The following MARCHF1 variants were observed in gnomAD, a reference collection of about 807,000 sequenced individuals.
MARCHF1 encodes membrane associated ring-CH-type finger 1, also known as E3 ubiquitin-protein ligase MARCHF1.
MARCHF1 carries 40 observed loss-of-function variants against 54.2 expected under a neutral mutation model. The observed-to-expected ratio is 0.74, with a 90% CI of 0.57 to 0.96. MARCHF1 has a LOEUF of 0.96. MARCHF1 is among the 40% of genes least tolerant of loss of function. The probability of loss-of-function intolerance (pLI) is 0.00; values close to 1 mark genes in which losing one functional copy is unlikely to be tolerated. For missense variants in MARCHF1, 586 were observed against 656.5 expected (o/e 0.89, Z 1.17); for synonymous variants, 236 against 236.3 (o/e 1.00, Z 0.01).
At chr4:163,647,682 A>G (rs1191930321) in intron 5 of MARCHF1, among the ~76,000 whole-genome samples, 1 of 151,700 alleles carries the variant, frequency 6.6e-6, no homozygotes. Context: ...GGAAGAAATA[A>G]AAAGAAAAAT....
intron 1 of MARCHF1, among the ~76,000 whole-genome samples, chr4:164,285,028 CA>C (rs897917698): frequency 7.0e-6 from 1 of 142,600 alleles, no homozygotes; most frequent in Non-Finnish European, 1.5e-5. Flanking sequence ...GTTTATTTTA[CA>C]AAAGTAGGTT....
intron 1 of MARCHF1, among the ~76,000 whole-genome samples, chr4:164,199,681 C>CACACAG (rs1462208986): frequency 7.8e-4 from 37 of 47,650 alleles, no homozygotes; most frequent in East Asian, 3.4e-3. Flanking sequence ...CACACACACA[C>CACACAG]AGAGAGAGAG....
chr4:164,042,539 A>C (rs28723400), intron 2 of MARCHF1, among the ~76,000 whole-genome samples: 79,370 of 151,966 alleles, frequency 0.52, 21,786 homozygotes, highest in Middle Eastern at 0.69. Context: ...CCAATCACCT[A>C]CCACTAAGCC....
At chr4:164,259,291 C>T (rs1733382866) in intron 1 of MARCHF1, among the ~76,000 whole-genome samples, 1 of 151,740 alleles carries the variant, frequency 6.6e-6, no homozygotes, top group African/African-American at 2.4e-5. Flanking sequence ...TCCTGTAATC[C>T]CAATACTTTA....
At chr4:164,191,481 T>C (rs1045421485) in intron 1 of MARCHF1, among the ~76,000 whole-genome samples, 3 of 152,362 alleles carry the variant, frequency 2.0e-5, no homozygotes, top group South Asian at 2.1e-4. Flanking sequence ...TTTGTAATTA[T>C]CTTTGCAATT....
In MARCHF1 at chr4:163,612,256, T is replaced by C; in HGVS notation, c.1010+15A>G. 6.8e-7 allele frequency: 1 copy of C among 1,471,160 alleles called. No individual in the cohort carries two copies. The highest frequency in any genetic ancestry group is 8.9e-7 in the Non-Finnish European group (1 of 1,120,826). The allele number at this position is 1,471,160 out of a possible 1,614,324, so 91.1% of individuals were successfully genotyped here. On this transcript the variant is annotated intron_variant, in intron 7 of 9. Coordinates refer to ENST00000514618, the MANE Select transcript of MARCHF1 (RefSeq NM_001394959.1). ...ATATATGGATGACATCAAGCCTTTC[T>C]CTACAGTGACTGACCTGCATACTTC...
rs544189638 is a variant in MARCHF1, at chr4:164,069,066, G to A, written c.-248+42522C>T. ...GCACTCTGTATCTAGCTCAAGGTTT[G>A]TAAATGCACCAATCAGCACTCTGTG... On this transcript the variant is annotated intron_variant, in intron 2 of 9. Coordinates refer to ENST00000514618, the MANE Select transcript of MARCHF1 (RefSeq NM_001394959.1). 6.6e-5 allele frequency among the ~76,000 whole-genome samples: 10 copies of A among 152,250 alleles called. No homozygotes were observed. The South Asian group carries it at 2.1e-3, about 32-fold the overall frequency.
intron 1 of MARCHF1, among the ~76,000 whole-genome samples, chr4:164,256,432 T>TAAAAAAAA (rs11345775): frequency 2.5e-5 from 3 of 121,848 alleles, no homozygotes; most frequent in Non-Finnish European, 5.1e-5. Flanking sequence ...ACAAGAAGCT[T>TAAAAAAAA]AAAAAAAAAA....
At chr4:164,057,543 C>T (rs551471890) in intron 2 of MARCHF1, among the ~76,000 whole-genome samples, 3 of 152,148 alleles carry the variant, frequency 2.0e-5, no homozygotes, top group Admixed American at 6.6e-5. Flanking sequence ...TGCCCCAGAA[C>T]GGTGGCAGAT....
At chr4:164,122,829 T>C (rs373589283) in intron 1 of MARCHF1, among the ~76,000 whole-genome samples, 1 of 152,214 alleles carries the variant, frequency 6.6e-6, no homozygotes, top group East Asian at 1.9e-4. Flanking sequence ...AGTATCGTAC[T>C]GAGTAGTGAA....
chr4:164,209,614 A>T (rs1731708818), intron 1 of MARCHF1, among the ~76,000 whole-genome samples: 1 of 152,226 alleles, frequency 6.6e-6, no homozygotes, highest in African/African-American at 2.4e-5. Context: ...GGAATAGCCA[A>T]AAAGCAAAAC....
rs115680168 is a variant in MARCHF1 at position 163,814,054 on chromosome 4, C to T, written c.111+39967G>A. Among the ~76,000 whole-genome samples, 1,079 of 152,288 alleles carry T rather than the reference C, an allele frequency of 7.1e-3. 3 individuals are homozygous for T. Among genetic ancestry groups the T allele is most frequent in the Middle Eastern group, 0.02 (6 of 294 alleles). On this transcript the variant is annotated intron_variant, in intron 4 of 9. Transcript: ENST00000514618. ...TGTATCTAGGTTTGCTGGGTCCTTG[C>T]TCCTTGCTCTCCCAGGATCGATTGT... is the stretch of plus-strand genomic sequence containing the variant.
At chr4:163,597,066 C>T (rs1303735649) in intron 7 of MARCHF1, among the ~76,000 whole-genome samples, 2 of 152,122 alleles carry the variant, frequency 1.3e-5, no homozygotes, top group Non-Finnish European at 2.9e-5. Flanking sequence ...AAGGATTCTC[C>T]TGTCTCAGTT....
At chr4:163,770,798 T>A (rs1747136735) in intron 4 of MARCHF1, among the ~76,000 whole-genome samples, 1 of 152,202 alleles carries the variant, frequency 6.6e-6, no homozygotes, top group Admixed American at 6.5e-5. Flanking sequence ...TGAGAAATGT[T>A]AAGAAGACAA....
At chr4:163,537,821 T>C (rs1485606282) in intron 9 of MARCHF1, among the ~76,000 whole-genome samples, 1 of 152,224 alleles carries the variant, frequency 6.6e-6, no homozygotes, top group Non-Finnish European at 1.5e-5. Context: ...GGAAGAGTGA[T>C]AAGTTCTCAG....
At chr4:164,273,769 A>G (rs1021833816) in intron 1 of MARCHF1, among the ~76,000 whole-genome samples, 1 of 152,174 alleles carries the variant, frequency 6.6e-6, no homozygotes, top group African/African-American at 2.4e-5. Flanking sequence ...GAGCAATACA[A>G]ATTTAATGAA....
At chr4:164,005,985 A>C (rs1753278203) in intron 2 of MARCHF1, among the ~76,000 whole-genome samples, 1 of 152,232 alleles carries the variant, frequency 6.6e-6, no homozygotes, top group Non-Finnish European at 1.5e-5. Context: ...AATGAAAACC[A>C]AAACAAGCTA....
At chr4:164,055,192 C>T (rs976638927) in intron 2 of MARCHF1, 1 of 151,922 alleles carries the variant, frequency 6.6e-6, no homozygotes, top group African/African-American at 2.4e-5. Context: ...GCTTGTAATC[C>T]CAGCACTTCG....
At chr4:164,304,331 G>A (rs369061644) in intron 1 of MARCHF1, among the ~76,000 whole-genome samples, 14 of 152,162 alleles carry the variant, frequency 9.2e-5, no homozygotes, top group East Asian at 3.8e-4. Context: ...ATCCAATAAT[G>A]TAAACGGGAT....
Sources: gnomAD v4.1 joint callset for allele counts (sites outside exome capture counted in the v4.1 genomes callset) on GRCh38, gnomAD v4.1.1 for gene constraint, MANE v1.5 for transcripts, NCBI Gene and HGNC (gene_info 2026-07-23, HGNC 2026-07-21) for gene names.